Variants in SPTLC3 observed in about 807,000 individuals in gnomAD.
The protein encoded by SPTLC3 is serine palmitoyltransferase 3.
A neutral mutation model predicts 59.3 loss-of-function variants in SPTLC3; 36 were observed. The ratio of observed to expected loss-of-function variants is 0.61; its 90% confidence interval spans 0.47 to 0.80. SPTLC3 has a LOEUF of 0.80. Among genes scored for constraint, SPTLC3 ranks in the 30% least tolerant of loss-of-function variants. The pLI is 0.00. For missense variants in SPTLC3, 625 were observed against 685.1 expected (o/e 0.91, Z 0.98); for synonymous variants, 257 against 240.8 (o/e 1.07, Z -0.62).
chr20:13,150,870 T>C (rs748727184), intron 9 of SPTLC3, among the ~76,000 whole-genome samples: 4 of 152,238 alleles, frequency 2.6e-5, no homozygotes, highest in Admixed American at 6.5e-5. Context: ...TGGTTAGTAC[T>C]TGCTTATCCT....
intron 6 of SPTLC3, among the ~76,000 whole-genome samples, chr20:13,104,563 T>G (rs116921171): frequency 0.069 from 10,451 of 152,210 alleles, 379 homozygotes; most frequent in South Asian, 0.11. Context: ...TCTTTATCAG[T>G]AGCGTGAAAA....
chr20:13,073,738 C>T (rs1397194594), intron 3 of SPTLC3: 6 of 522,836 alleles, frequency 1.1e-5, no homozygotes, highest in African/African-American at 2.0e-5. Context: ...GAACTGCCAA[C>T]AGTATCCATT....
intron 2 of SPTLC3, among the ~76,000 whole-genome samples, chr20:13,061,108 G>C (rs150559310): frequency 6.6e-6 from 1 of 152,040 alleles, no homozygotes; most frequent in African/African-American, 2.4e-5. Context: ...CCACAATCTT[G>C]CCAACATCTG....
chr20:13,057,421 C>A (rs1341646815), intron 2 of SPTLC3, among the ~76,000 whole-genome samples: 1 of 152,148 alleles, frequency 6.6e-6, no homozygotes, highest in Non-Finnish European at 1.5e-5. Flanking sequence ...ATTTATTAAT[C>A]CAATTTCACT....
intron 4 of SPTLC3, among the ~76,000 whole-genome samples, chr20:13,088,130 G>C (rs976370601): frequency 2.0e-5 from 3 of 152,126 alleles, no homozygotes; most frequent in African/African-American, 7.2e-5. Flanking sequence ...TTGGGAAGAA[G>C]CCTCTTTTAG....
intron 4 of SPTLC3, among the ~76,000 whole-genome samples, chr20:13,087,813 A>G (rs1452425203): frequency 2.0e-5 from 3 of 152,220 alleles, no homozygotes; most frequent in Non-Finnish European, 2.9e-5. Flanking sequence ...TCAACTTAAT[A>G]AGTGCTATAA....
chr20:13,099,214 G>T (rs1460661193), intron 6 of SPTLC3, among the ~76,000 whole-genome samples: 2 of 152,170 alleles, frequency 1.3e-5, no homozygotes, highest in Non-Finnish European at 2.9e-5. Flanking sequence ...TGCAATGTGA[G>T]AAAGACTTAA....
Position 13,126,710 on chromosome 20 carries a change from C to A in SPTLC3, c.1272C>A (p.Thr424=). The A allele has an allele frequency of 6.2e-7, 1 of 1,613,950 alleles. No homozygotes were observed. Residue 424 remains threonine (T), a synonymous_variant, in exon 9 of 12, where the codon ACC becomes ACA. Coordinates refer to ENST00000399002, the MANE Select transcript of SPTLC3 (RefSeq NM_018327.4). ...AACTTATCATGGGACTGGATGGGAC[C>A]ACTCAAGGTAAGAGGATCTGCAGAG... ...SLKLIMGLDG[T]TQGLQRVQQL...
intron 11 of SPTLC3, 47 bp downstream of exon 11, chr20:13,160,179 TTCAAAGCAAG>T (rs1448202232): frequency 9.6e-6 from 15 of 1,560,716 alleles, no homozygotes; most frequent in Non-Finnish European, 1.3e-5. Context: ...GTACCTTGGA[TTCAAAGCAAG>T]TCCTTTTGTT....
At chr20:13,073,628 C>T (rs74884316) in intron 3 of SPTLC3, 24,031 of 261,998 alleles carry the variant, frequency 0.092, 1,289 homozygotes, top group African/African-American at 0.12. Context: ...TTTAGCCTCA[C>T]GGTAGTTGGT....
rs1338615619 is a variant in SPTLC3 at position 13,072,288 on chromosome 20, T to C, written c.336T>C (p.Asn112=). 1 of 1,613,770 alleles carries C rather than the reference T, an allele frequency of 6.2e-7. No individual in the cohort carries two copies. The highest frequency in any genetic ancestry group is 1.7e-5 in the Admixed American group (1 of 59,970). ...DFVPLYQDFE[N]FYTRNLYMRI... ...TGCCACTGTATCAAGACTTTGAAAA[T>C]TTTTATACAAGAAACCTTTACATGC... The change falls in exon 3 of 12, where the codon AAT becomes AAC. Residue 112 remains asparagine, a synonymous_variant. Coordinates refer to ENST00000399002, the MANE Select transcript of SPTLC3 (RefSeq NM_018327.4).
chr20:13,163,314 GC>G (rs2038930676), intron 11 of SPTLC3, among the ~76,000 whole-genome samples: 1 of 147,450 alleles, frequency 6.8e-6, no homozygotes, highest in South Asian at 2.1e-4. Context: ...GTTGCAGTGA[GC>G]CGAGATCATG....
chr20:13,052,034 A>G (rs760769008), intron 2 of SPTLC3, among the ~76,000 whole-genome samples: 5 of 152,126 alleles, frequency 3.3e-5, no homozygotes, highest in Non-Finnish European at 7.3e-5. Context: ...ACTTGAACAA[A>G]CCAAACGCAA....
intron 9 of SPTLC3, among the ~76,000 whole-genome samples, chr20:13,143,984 C>T (rs2038446821): frequency 6.6e-6 from 1 of 152,148 alleles, no homozygotes; most frequent in Non-Finnish European, 1.5e-5. Flanking sequence ...TGAGCTTTGT[C>T]TTCCTAACCC....
chr20:13,050,303 G>A (rs1987429396), intron 2 of SPTLC3: 1 of 152,124 alleles, frequency 6.6e-6, no homozygotes, highest in African/African-American at 2.4e-5. Flanking sequence ...GAAAGTCTCA[G>A]CAATAGAATT....
chr20:13,139,059 C>T (rs1204398399), intron 9 of SPTLC3, among the ~76,000 whole-genome samples: 4 of 152,116 alleles, frequency 2.6e-5, no homozygotes, highest in East Asian at 3.8e-4. Flanking sequence ...AGGAGGGTAG[C>T]GTGATTCTTA....
intron 2 of SPTLC3, among the ~76,000 whole-genome samples, chr20:13,071,384 A>G (rs773295382): frequency 3.3e-5 from 5 of 152,228 alleles, no homozygotes; most frequent in Non-Finnish European, 7.3e-5. Flanking sequence ...TGTTAGCATC[A>G]TTCTTTAACA....
At chr20:13,097,300 C>G (rs1228552561) in intron 6 of SPTLC3, among the ~76,000 whole-genome samples, 3 of 151,960 alleles carry the variant, frequency 2.0e-5, no homozygotes, top group African/African-American at 7.2e-5. Context: ...ATGACCTGAA[C>G]AATCATGCTA....
intron 9 of SPTLC3, among the ~76,000 whole-genome samples, chr20:13,143,304 C>T (rs1173919282): frequency 1.3e-5 from 2 of 151,966 alleles, no homozygotes; most frequent in Non-Finnish European, 2.9e-5. Context: ...TAATAGTTTT[C>T]AATATTTGTG....
Sources: allele counts gnomAD v4.1 joint callset (sites outside exome capture counted in the v4.1 genomes callset), GRCh38; gene constraint gnomAD v4.1.1; transcripts MANE v1.5; gene names NCBI Gene and HGNC (gene_info 2026-07-23, HGNC 2026-07-21).